The following SLC22A3 variants were observed in gnomAD, a reference collection of about 807,000 sequenced individuals.
SLC22A3 encodes the protein solute carrier family 22 member 3.
In SLC22A3, 51 loss-of-function variants were observed where a neutral mutation model predicts 59.1. The observed-to-expected ratio is 0.86, with a 90% CI of 0.69 to 1.09. The LOEUF (loss-of-function observed/expected upper bound fraction) is 1.09. Ranked by LOEUF, SLC22A3 falls within the 50% of genes least tolerant of loss-of-function variation. The pLI is 0.00. For synonymous variants in SLC22A3, 325 were observed against 292.0 expected (o/e 1.11, Z -1.15); for missense variants, 711 against 726.3 (o/e 0.98, Z 0.24).
chr6:160,375,802 A>C (rs781762717), intron 1 of SLC22A3, among the ~76,000 whole-genome samples: 9 of 152,106 alleles, frequency 5.9e-5, no homozygotes, highest in Non-Finnish European at 1.3e-4. Context: ...ATTTGAAAAA[A>C]ATTGCATTTC....
intron 7 of SLC22A3, among the ~76,000 whole-genome samples, chr6:160,440,333 T>C (rs1788498263): frequency 6.6e-6 from 1 of 152,210 alleles, no homozygotes; most frequent in African/African-American, 2.4e-5. Flanking sequence ...AGTTCATGTA[T>C]CTTAATTTAG....
intron 5 of SLC22A3, among the ~76,000 whole-genome samples, chr6:160,412,342 A>C (rs1027088069): frequency 6.6e-6 from 1 of 152,194 alleles, no homozygotes; most frequent in Non-Finnish European, 1.5e-5. Flanking sequence ...CAGCCTGAGC[A>C]AAAAGAGTGA....
chr6:160,356,148 G>A (rs1398573836), intron 1 of SLC22A3, among the ~76,000 whole-genome samples: 1 of 152,224 alleles, frequency 6.6e-6, no homozygotes, highest in Non-Finnish European at 1.5e-5. Context: ...TCTACCGATG[G>A]TGTTGCTTCC....
chr6:160,357,332 T>C (rs1784875625), intron 1 of SLC22A3, among the ~76,000 whole-genome samples: 1 of 152,222 alleles, frequency 6.6e-6, no homozygotes, highest in Non-Finnish European at 1.5e-5. Context: ...CCCAGAAGCC[T>C]TTCCCAGTTG....
chr6:160,426,031 G>A, intron 5 of SLC22A3: 1 of 985,428 alleles, frequency 1.0e-6, no homozygotes, highest in Non-Finnish European at 1.2e-6. Context: ...AGTGAACAAT[G>A]AGTTACCATG....
rs1788945892 is a variant in SLC22A3 at position 160,451,101 on chromosome 6, C to T, written c.*45C>T. ...AAGAAGGAGCTATCCAGGAGCTGATCCTCCTTGCAAAGCTGTGCCTTGCAG... is the reference window on the plus strand; with the variant it reads ...AAGAAGGAGCTATCCAGGAGCTGATTCTCCTTGCAAAGCTGTGCCTTGCAG... On this transcript the variant is annotated 3_prime_UTR_variant, in exon 11 of 11. Transcript: ENST00000275300. 1.2e-5 allele frequency: 19 copies of T among 1,550,478 alleles called. No homozygotes were observed. The highest frequency in any genetic ancestry group is 1.6e-5 in the Non-Finnish European group (18 of 1,136,740).
intron 1 of SLC22A3, among the ~76,000 whole-genome samples, chr6:160,353,071 T>C (rs866745798): frequency 6.6e-6 from 1 of 152,322 alleles, no homozygotes. Flanking sequence ...CCTCCGAAAG[T>C]GCTGGGATTA....
intron 9 of SLC22A3, among the ~76,000 whole-genome samples, chr6:160,445,067 G>A (rs915681033): frequency 6.6e-6 from 1 of 152,246 alleles, no homozygotes. Context: ...CCAGTGGCAG[G>A]CAGGCGGGGC....
intron 1 of SLC22A3, among the ~76,000 whole-genome samples, chr6:160,365,423 T>C (rs1315974022): frequency 6.6e-6 from 1 of 152,200 alleles, no homozygotes; most frequent in East Asian, 1.9e-4. Flanking sequence ...CATGGAGGGC[T>C]TGTGGAACCA....
intron 1 of SLC22A3, among the ~76,000 whole-genome samples, chr6:160,379,868 T>C (rs1188326265): frequency 6.6e-6 from 1 of 152,212 alleles, no homozygotes; most frequent in Admixed American, 6.5e-5. Context: ...AAGTGTTGAG[T>C]CATTTTTATG....
At chr6:160,364,260 G>T (rs1785125667) in intron 1 of SLC22A3, among the ~76,000 whole-genome samples, 1 of 152,208 alleles carries the variant, frequency 6.6e-6, no homozygotes, top group African/African-American at 2.4e-5. Context: ...TGGTAGATGG[G>T]TTGTTGGAAG....
At position 160,402,221 on chromosome 6, in the gene SLC22A3, G is replaced by C. The variant is rs529068545; in HGVS notation, c.533+4139G>C. 4.6e-5 allele frequency among the ~76,000 whole-genome samples: 7 copies of C among 152,052 alleles called. No homozygotes were observed. The South Asian group carries it at 1.5e-3, about 32-fold the overall frequency. On this transcript the variant is annotated intron_variant, in intron 2 of 10. Transcript: ENST00000275300. ...CTATACCATGATAGCAGTAATCAAA[G>C]TAAAGCAGAAGTAGCTATACTATTA...
At chr6:160,442,894 T>G (rs771394311) in intron 8 of SLC22A3, 25 bp downstream of exon 8, 1 of 1,538,436 alleles carries the variant, frequency 6.5e-7, no homozygotes, top group Admixed American at 1.7e-5. Context: ...CGTTATAGTT[T>G]CTCCTAAGTA....
intron 5 of SLC22A3, among the ~76,000 whole-genome samples, chr6:160,433,297 G>A (rs1179666223): frequency 6.6e-6 from 1 of 152,180 alleles, no homozygotes; most frequent in African/African-American, 2.4e-5. Context: ...ATTATCTACA[G>A]AGCTAACATG....
intron 1 of SLC22A3, among the ~76,000 whole-genome samples, chr6:160,359,391 A>G (rs933098079): frequency 2.0e-5 from 3 of 152,226 alleles, no homozygotes; most frequent in South Asian, 2.1e-4. Context: ...TTAATAGCCA[A>G]TGGGGACAAA....
At chr6:160,381,183 C>A (rs1224556033) in intron 1 of SLC22A3, among the ~76,000 whole-genome samples, 2 of 152,160 alleles carry the variant, frequency 1.3e-5, no homozygotes, top group Non-Finnish European at 2.9e-5. Context: ...GCATTCCTTC[C>A]TAATACCACA....
chr6:160,443,836 A>C, intron 9 of SLC22A3, 94 bp downstream of exon 9: 1 of 559,116 alleles, frequency 1.8e-6, no homozygotes, highest in Non-Finnish European at 3.0e-6. Flanking sequence ...AATGATAATG[A>C]TAGTCATTTA....
At chr6:160,378,202 CT>C (rs1203991848) in intron 1 of SLC22A3, among the ~76,000 whole-genome samples, 1 of 152,106 alleles carries the variant, frequency 6.6e-6, no homozygotes, top group African/African-American at 2.4e-5. Flanking sequence ...ATATAGCTTT[CT>C]AATATTTGTA....
intron 1 of SLC22A3, among the ~76,000 whole-genome samples, chr6:160,367,485 C>T (rs1785246903): frequency 6.6e-6 from 1 of 152,168 alleles, no homozygotes; most frequent in Non-Finnish European, 1.5e-5. Flanking sequence ...AACTTGCATA[C>T]CTGTATTGCA....
Sources: gnomAD v4.1 joint callset for allele counts (sites outside exome capture counted in the v4.1 genomes callset) on GRCh38, gnomAD v4.1.1 for gene constraint, MANE v1.5 for transcripts, NCBI Gene and HGNC (gene_info 2026-07-23, HGNC 2026-07-21) for gene names.